EXD3: variants seen among roughly 807,000 people sequenced by gnomAD.
The protein encoded by EXD3 is exonuclease mut-7 homolog.
EXD3 carries 92 observed loss-of-function variants against 98.0 expected under a neutral mutation model. The ratio of observed to expected loss-of-function variants is 0.94; its 90% CI spans 0.79 to 1.12. EXD3 has a LOEUF of 1.12. EXD3 is among the 50% of genes most tolerant of loss of function. EXD3 has a pLI of 0.00. For synonymous variants in EXD3, 569 were observed against 526.0 expected (o/e 1.08, Z -1.12); for missense variants, 1,222 against 1,191.6 (o/e 1.03, Z -0.38).
At chr9:137,365,943 G>A (rs1005707705) in intron 7 of EXD3, 11 of 441,624 alleles carry the variant, frequency 2.5e-5, no homozygotes, top group Admixed American at 7.9e-5. Flanking sequence ...ACACACAAAC[G>A]TGCACACACG....
At chr9:137,313,589 A>G (rs1389846702) in intron 19 of EXD3, among the ~76,000 whole-genome samples, 2 of 152,166 alleles carry the variant, frequency 1.3e-5, no homozygotes, top group Non-Finnish European at 2.9e-5. Context: ...ACCTCAGCCC[A>G]GGCCTGTCTC....
chr9:137,373,732 G>A (rs933484721), intron 3 of EXD3, 133 bp from the exon 4 acceptor site: 25 of 984,414 alleles, frequency 2.5e-5, no homozygotes, highest in Admixed American at 1.8e-4. Context: ...GCCGCCATCT[G>A]CGCCTCCGTG....
In EXD3 at chr9:137,405,737, G is replaced by T. The variant is rs543155467; in HGVS notation, c.-47-10333C>A. The stretch of plus-strand genomic sequence containing the variant: ...TAGATCAAGTTCCTGATAAATGTTA[G>T]AGTTAGCCTGACTCAGCATGAGCCT... On this transcript the variant is annotated intron_variant, in intron 1 of 21. Coordinates refer to ENST00000340951, the MANE Select transcript of EXD3 (RefSeq NM_017820.5). The surrounding 1 kb of genome is among the most constrained non-coding windows in gnomAD (Gnocchi z 4.1). 6.6e-6 allele frequency among the ~76,000 whole-genome samples: 1 copy of T among 152,334 alleles called. No individual in the cohort carries two copies. Among genetic ancestry groups the T allele is most frequent in the South Asian group, 2.1e-4 (1 of 4,826 alleles).
Position 137,309,707 on chromosome 9 carries a change from G to A in EXD3, c.2185-7C>T. On this transcript the variant is annotated splice_polypyrimidine_tract_variant and splice_region_variant and intron_variant, in intron 19 of 21. Coordinates refer to ENST00000340951, the MANE Select transcript of EXD3 (RefSeq NM_017820.5). Reference sequence around the variant, plus strand: ...ACTGGTCACAGTTACAGGCCTGGGGGCCAGAGGGGGTGCTGAGGCCCAGGC... The same window carrying A: ...ACTGGTCACAGTTACAGGCCTGGGGACCAGAGGGGGTGCTGAGGCCCAGGC... 6.4e-7 allele frequency: 1 copy of A among 1,550,610 alleles called. No individual in the cohort carries two copies. The highest frequency in any genetic ancestry group is 1.2e-5 in the South Asian group (1 of 84,150).
intron 1 of EXD3, among the ~76,000 whole-genome samples, chr9:137,416,613 G>A (rs1052871590): frequency 3.3e-5 from 5 of 152,222 alleles, no homozygotes; most frequent in Admixed American, 1.3e-4. Flanking sequence ...ACCCTAACAC[G>A]TGCTGGGCAA....
At chr9:137,312,646 G>T (rs921021357) in intron 19 of EXD3, among the ~76,000 whole-genome samples, 4 of 152,050 alleles carry the variant, frequency 2.6e-5, no homozygotes, top group Non-Finnish European at 1.5e-5. Context: ...CACTGCCCCA[G>T]AGCTGGCCAT....
chr9:137,355,069 C>G (rs1834551065), intron 8 of EXD3, among the ~76,000 whole-genome samples: 1 of 152,222 alleles, frequency 6.6e-6, no homozygotes, highest in South Asian at 2.1e-4. Flanking sequence ...TTGGCGTTGG[C>G]ATCTGCGTTT....
At position 137,307,088 on chromosome 9, in the gene EXD3, G is replaced by T; in HGVS notation, c.2493C>A (p.Cys831Ter). The T allele has an allele frequency of 6.2e-7, 1 of 1,610,684 alleles. No homozygotes were observed. The highest frequency in any genetic ancestry group is 8.5e-7 in the Non-Finnish European group (1 of 1,179,052). The change falls in exon 22 of 22, where the codon TGC becomes TGA. Residue 831 changes from cysteine (C) to a stop codon, truncating the protein, a stop_gained. Transcript: ENST00000340951. LOFTEE classifies it low-confidence loss of function (END_TRUNC). ...LRTPGLRCFY[C>*]CTGCGKVFWD... Reference sequence around the variant, plus strand: ...AGAAGACCTTTCCACAGCCCGTGCAGCAGTAGAAGCACCGCAGCCCAGGTG... The same window carrying T: ...AGAAGACCTTTCCACAGCCCGTGCATCAGTAGAAGCACCGCAGCCCAGGTG...
chr9:137,401,647 G>A (rs1210429659), intron 1 of EXD3, among the ~76,000 whole-genome samples: 1 of 152,208 alleles, frequency 6.6e-6, no homozygotes, highest in Non-Finnish European at 1.5e-5. Context: ...AAGGCTTGGG[G>A]CTTCCACCCT....
intron 17 of EXD3, among the ~76,000 whole-genome samples, chr9:137,341,225 G>A (rs1833640934): frequency 6.6e-6 from 1 of 152,216 alleles, no homozygotes; most frequent in Non-Finnish European, 1.5e-5. Flanking sequence ...GCTGAGTTGG[G>A]AGGCTCACTT....
At chr9:137,313,042 G>A (rs1253049595) in intron 19 of EXD3, among the ~76,000 whole-genome samples, 2 of 152,152 alleles carry the variant, frequency 1.3e-5, no homozygotes, top group Non-Finnish European at 2.9e-5. Flanking sequence ...AGGACTGGAC[G>A]CTCCCAGGCA....
In EXD3 at chr9:137,405,455, C is replaced by T. The variant is rs1026045601; in HGVS notation, c.-47-10051G>A. On this transcript the variant is annotated intron_variant, in intron 1 of 21. Transcript: ENST00000340951. This position sits in a 1 kb window ranked among gnomAD's most constrained non-coding sequence, Gnocchi z 4.1. ...AGGATTTGCAGAGCCGCGGACGGAG[C>T]CCAGGGCGGCCGTCGCAGGCCACTC... 1.3e-5 allele frequency among the ~76,000 whole-genome samples: 2 copies of T among 152,236 alleles called. No homozygotes were observed. Among genetic ancestry groups the T allele is most frequent in the African/African-American group, 4.8e-5 (2 of 41,470 alleles).
intron 3 of EXD3, among the ~76,000 whole-genome samples, chr9:137,382,432 G>A (rs543008167): frequency 3.3e-5 from 5 of 152,248 alleles, no homozygotes; most frequent in African/African-American, 7.2e-5. Flanking sequence ...CACCACACAC[G>A]CAGGTGCCAA....
chr9:137,368,047 C>G, intron 5 of EXD3, 58 bp from the exon 6 acceptor site: 3 of 1,439,942 alleles, frequency 2.1e-6, no homozygotes, highest in Non-Finnish European at 9.6e-7. Context: ...GGCAGCACGG[C>G]GGGTGAGGGG....
chr9:137,312,455 C>A (rs1017300467), intron 19 of EXD3, among the ~76,000 whole-genome samples: 1 of 152,210 alleles, frequency 6.6e-6, no homozygotes, highest in Admixed American at 6.5e-5. Context: ...CGGGACTGTG[C>A]GGGCTGGGCC....
intron 19 of EXD3, 70 bp downstream of exon 19, chr9:137,323,655 C>G: frequency 2.5e-6 from 4 of 1,571,352 alleles, no homozygotes; most frequent in Non-Finnish European, 3.5e-6. Flanking sequence ...GTGGGGCCCA[C>G]CTCCCTGGAC....
rs1295865985 is a variant in EXD3, at chr9:137,324,757, G to C, written c.1999-614C>G. ...GCCCAGGCCGGAGTGCAGTGGCGCT[G>C]TCTTGGCTCACTGCAAGCTCCGCCT... is the stretch of plus-strand genomic sequence containing the variant. On this transcript the variant is annotated intron_variant, in intron 17 of 21. Coordinates refer to ENST00000340951, the MANE Select transcript of EXD3 (RefSeq NM_017820.5). This position sits in a 1 kb window ranked among gnomAD's most constrained non-coding sequence, Gnocchi z 4.1. 6.6e-6 allele frequency among the ~76,000 whole-genome samples: 1 copy of C among 152,140 alleles called. No homozygotes were observed. The highest frequency in any genetic ancestry group is 2.4e-5 in the African/African-American group (1 of 41,438).
At chr9:137,382,312 CA>C (rs903736358) in intron 3 of EXD3, among the ~76,000 whole-genome samples, 2 of 150,032 alleles carry the variant, frequency 1.3e-5, no homozygotes, top group African/African-American at 4.9e-5. Flanking sequence ...AGCGCTGCTC[CA>C]AGGAGACGCC....
chr9:137,327,540 T>A (rs1832498408), intron 17 of EXD3, among the ~76,000 whole-genome samples: 1 of 152,022 alleles, frequency 6.6e-6, no homozygotes, highest in Non-Finnish European at 1.5e-5. Flanking sequence ...TAAAAATGGT[T>A]AAAATGGTCA....
Sources: gnomAD v4.1 joint callset for allele counts (sites outside exome capture counted in the v4.1 genomes callset) on GRCh38, gnomAD v4.1.1 for gene constraint, Gnocchi (gnomAD v3.1) non-coding constraint, MANE v1.5 for transcripts, NCBI Gene and HGNC (gene_info 2026-07-23, HGNC 2026-07-21) for gene names.